The following STXBP5L variants were observed in gnomAD, a reference collection of about 807,000 sequenced individuals.
STXBP5L encodes the protein syntaxin binding protein 5L, also known as syntaxin-binding protein 5-like.
A neutral mutation model predicts 144.5 loss-of-function variants in STXBP5L; 65 were observed. The ratio of observed to expected loss-of-function variants is 0.45; its 90% CI spans 0.37 to 0.55. STXBP5L has a LOEUF of 0.55. STXBP5L is among the 20% of genes least tolerant of loss of function. The pLI, the probability that STXBP5L is intolerant of heterozygous loss-of-function variation, is 0.00. For missense variants in STXBP5L, 1,298 were observed against 1,405.5 expected (o/e 0.92, Z 1.22); for synonymous variants, 505 against 469.6 (o/e 1.08, Z -0.97).
At chr3:120,926,349 G>A (rs1174870806) in intron 2 of STXBP5L, among the ~76,000 whole-genome samples, 4 of 118,794 alleles carry the variant, frequency 3.4e-5, no homozygotes, top group African/African-American at 1.3e-4. Context: ...ATTCTTGGAT[G>A]GCAGTTCTTT....
intron 5 of STXBP5L, among the ~76,000 whole-genome samples, chr3:121,076,094 G>T (rs1006976281): frequency 2.0e-5 from 3 of 152,178 alleles, no homozygotes; most frequent in African/African-American, 7.2e-5. Context: ...ACGAAGAGCT[G>T]TTCTGCCCCT....
intron 7 of STXBP5L, among the ~76,000 whole-genome samples, chr3:121,124,886 T>C (rs1326776706): frequency 6.6e-6 from 1 of 152,196 alleles, no homozygotes; most frequent in Non-Finnish European, 1.5e-5. Flanking sequence ...AAAATGGTTG[T>C]TGCAGGTCCT....
At chr3:120,915,242 G>C (rs1050431355) in intron 2 of STXBP5L, among the ~76,000 whole-genome samples, 2 of 152,092 alleles carry the variant, frequency 1.3e-5, no homozygotes, top group Admixed American at 1.3e-4. Context: ...CTAAGTAAAC[G>C]AAATTTCTGT....
intron 2 of STXBP5L, among the ~76,000 whole-genome samples, chr3:120,940,118 A>G (rs1710486396): frequency 6.6e-6 from 1 of 152,096 alleles, no homozygotes. Context: ...ATTATATATC[A>G]ATGAGAAAGA....
At position 120,974,901 on chromosome 3, in the gene STXBP5L, T is replaced by C. The variant is rs560777539; in HGVS notation, c.287+19864T>C. Among the ~76,000 whole-genome samples, 1,244 of 152,264 alleles carry C rather than the reference T, an allele frequency of 8.2e-3. 18 individuals are homozygous for C. Among genetic ancestry groups the C allele is most frequent in the African/African-American group, 0.028 (1,155 of 41,554 alleles). Reference sequence around the variant, plus strand: ...GGCTCTGTTCTGTTCCATTGATCTATATCTCTGTTTTGGTACCAGTACCAT... The same window carrying C: ...GGCTCTGTTCTGTTCCATTGATCTACATCTCTGTTTTGGTACCAGTACCAT... On this transcript the variant is annotated intron_variant, in intron 3 of 26. Transcript: ENST00000471454.
At chr3:121,018,550 G>C (rs911798801) in intron 3 of STXBP5L, among the ~76,000 whole-genome samples, 1 of 133,836 alleles carries the variant, frequency 7.5e-6, no homozygotes, top group Non-Finnish European at 1.6e-5. Flanking sequence ...AAAAAATGCA[G>C]ACACAGTCCT....
Position 121,389,226 on chromosome 3 carries a change from G to C in STXBP5L, c.2587+7694G>C, listed in dbSNP as rs1168710616. Among the ~76,000 whole-genome samples the C allele has an allele frequency of 2.0e-5, 3 of 152,080 alleles. No homozygotes were observed. In the East Asian group the frequency reaches 5.8e-4, roughly 29 times the overall value. On this transcript the variant is annotated intron_variant, in intron 22 of 26. Transcript: ENST00000471454. ...CTGGTAGTTTGTATTTCTGTGGGAT[G>C]AGTGGTGATATCCCTTTTATCATTT...
rs9845806 is a variant in STXBP5L at position 120,976,881 on chromosome 3, T to G, written c.287+21844T>G. ...TGAGTGAGTTTCTTAACCCTGAGTT[T>G]TAGTTTGATTGCACTGTGGTCTGAG... On this transcript the variant is annotated intron_variant, in intron 3 of 26. Coordinates refer to ENST00000471454, the MANE Select transcript of STXBP5L (RefSeq NM_001308330.2). 6.6e-5 allele frequency among the ~76,000 whole-genome samples: 10 copies of G among 151,710 alleles called. No individual in the cohort carries two copies. The East Asian group carries it at 1.4e-3, about 21-fold the overall frequency.
intron 20 of STXBP5L, among the ~76,000 whole-genome samples, chr3:121,361,169 G>A (rs1287943978): frequency 1.3e-5 from 2 of 152,152 alleles, no homozygotes; most frequent in Non-Finnish European, 2.9e-5. Context: ...AGCATTTGAA[G>A]TTCCATTGTA....
intron 3 of STXBP5L, among the ~76,000 whole-genome samples, chr3:120,980,641 T>C (rs1165520953): frequency 6.6e-6 from 1 of 152,170 alleles, no homozygotes; most frequent in Non-Finnish European, 1.5e-5. Context: ...TTGGATCTTC[T>C]TTTTTAAAAT....
intron 5 of STXBP5L, among the ~76,000 whole-genome samples, chr3:121,083,735 T>A (rs1046197401): frequency 2.6e-5 from 4 of 152,196 alleles, no homozygotes; most frequent in African/African-American, 9.6e-5. Context: ...CATGAGTGTG[T>A]GGAAATTTCT....
chr3:121,341,202 T>A (rs2044697419), intron 20 of STXBP5L, among the ~76,000 whole-genome samples: 1 of 152,024 alleles, frequency 6.6e-6, no homozygotes, highest in African/African-American at 2.4e-5. Context: ...GGGCAAAAAA[T>A]CTGAGTAGAC....
intron 6 of STXBP5L, among the ~76,000 whole-genome samples, chr3:121,119,703 G>A (rs940017451): frequency 6.6e-6 from 1 of 151,164 alleles, no homozygotes; most frequent in Non-Finnish European, 1.5e-5. Flanking sequence ...TTGTGGTTTT[G>A]GAAGTTTAAT....
At chr3:121,378,131 G>A (rs2046235284) in intron 20 of STXBP5L, among the ~76,000 whole-genome samples, 1 of 151,812 alleles carries the variant, frequency 6.6e-6, no homozygotes, top group Non-Finnish European at 1.5e-5. Flanking sequence ...AAAACACATG[G>A]TCACAGGGAG....
At chr3:121,339,119 C>A (rs902392977) in intron 20 of STXBP5L, among the ~76,000 whole-genome samples, 5 of 151,844 alleles carry the variant, frequency 3.3e-5, no homozygotes, top group African/African-American at 1.2e-4. Flanking sequence ...AACAAAAAAA[C>A]ACAAAATGAC....
At chr3:121,080,632 G>A (rs2042212147) in intron 5 of STXBP5L, among the ~76,000 whole-genome samples, 2 of 152,158 alleles carry the variant, frequency 1.3e-5, no homozygotes, top group Admixed American at 1.3e-4. Context: ...TTTGTTTAAG[G>A]AGGTGGAAGA....
chr3:121,120,742 T>C (rs944036173), intron 6 of STXBP5L, among the ~76,000 whole-genome samples: 5 of 151,214 alleles, frequency 3.3e-5, no homozygotes, highest in Admixed American at 3.3e-4. Context: ...ATCTTCTTCA[T>C]TGTTTTGTAT....
intron 2 of STXBP5L, among the ~76,000 whole-genome samples, chr3:120,924,042 C>A (rs1007565166): frequency 6.6e-6 from 1 of 152,080 alleles, no homozygotes; most frequent in Non-Finnish European, 1.5e-5. Context: ...TTCTCAAAGA[C>A]GTTTCTCCTA....
intron 3 of STXBP5L, among the ~76,000 whole-genome samples, chr3:120,977,658 G>A (rs1203859964): frequency 2.0e-5 from 3 of 152,144 alleles, no homozygotes; most frequent in African/African-American, 7.2e-5. Context: ...TTTACAATTT[G>A]GCATGATTTT....
Sources: gnomAD v4.1 joint callset for allele counts (sites outside exome capture counted in the v4.1 genomes callset) on GRCh38, gnomAD v4.1.1 for gene constraint, MANE v1.5 for transcripts, NCBI Gene and HGNC (gene_info 2026-07-23, HGNC 2026-07-21) for gene names.